ANKRD17: variants seen among roughly 807,000 people sequenced by gnomAD.
ANKRD17 encodes the protein ankyrin repeat domain 17.
In ANKRD17, 19 loss-of-function variants were observed where a neutral mutation model predicts 229.7. The observed-to-expected ratio is 0.08, with a 90% CI of 0.06 to 0.12. The LOEUF (loss-of-function observed/expected upper bound fraction) is 0.12. ANKRD17 is among the 10% of genes least tolerant of loss of function. The probability of loss-of-function intolerance (pLI) is 1.00; values close to 1 mark genes in which losing one functional copy is unlikely to be tolerated. For synonymous variants in ANKRD17, 1,112 were observed against 1,146.1 expected (o/e 0.97, Z 0.60); for missense variants, 2,176 against 3,176.8 (o/e 0.68, Z 7.57).
At chr4:73,200,828 C>T (rs1738565903) in intron 1 of ANKRD17, among the ~76,000 whole-genome samples, 1 of 151,980 alleles carries the variant, frequency 6.6e-6, no homozygotes, top group Non-Finnish European at 1.5e-5. Context: ...AACCAGATCC[C>T]TGTACTCTTG....
In ANKRD17 at chr4:73,078,704, T is replaced by C. The variant is rs1283420894; in HGVS notation, c.7346A>G (p.Asn2449Ser). 1.9e-6 allele frequency: 3 copies of C among 1,614,144 alleles called. No individual in the cohort carries two copies. Among genetic ancestry groups the C allele is most frequent in the Non-Finnish European group, 2.5e-6 (3 of 1,180,020 alleles). Reference protein sequence around the residue: ...GTSAPSVIGSNLSTSVGHSGI... With the variant: ...GTSAPSVIGSSLSTSVGHSGI... Reference sequence around the variant, plus strand: ...ACTATGTCCTACTGATGTAGACAAATTGCTCCCAATAACAGATGGAGCTGA... The same window carrying C: ...ACTATGTCCTACTGATGTAGACAAACTGCTCCCAATAACAGATGGAGCTGA... The change falls in exon 31 of 34, where the codon AAT becomes AGT. Residue 2449 changes from asparagine to serine, a missense_variant. By Grantham distance (46) the Asn-to-Ser change is conservative. Coordinates refer to ENST00000358602, the MANE Select transcript of ANKRD17 (RefSeq NM_032217.5).
intron 29 of ANKRD17, 100 bp from the exon 30 acceptor site, chr4:73,085,546 T>G (rs1389835049): frequency 9.5e-7 from 1 of 1,052,152 alleles, no homozygotes; most frequent in Non-Finnish European, 1.4e-6. Context: ...CAAAACTATT[T>G]TAGATAATTA....
chr4:73,121,823 T>A, intron 18 of ANKRD17, 64 bp from the exon 19 acceptor site: 1 of 1,478,562 alleles, frequency 6.8e-7, no homozygotes, highest in Non-Finnish European at 9.0e-7. Context: ...AGTGTGTATT[T>A]TTAAATTTCT....
intron 1 of ANKRD17, among the ~76,000 whole-genome samples, chr4:73,228,639 C>A (rs1431247807): frequency 6.6e-6 from 1 of 151,996 alleles, no homozygotes. Flanking sequence ...TTTCTGTATC[C>A]CAATTTTAAT....
rs549247377 is a variant in ANKRD17, at chr4:73,181,818, C to A, written c.394-4285G>T. Among the ~76,000 whole-genome samples the A allele has an allele frequency of 1.3e-4, 19 of 151,686 alleles. 1 individual carries two copies. The highest frequency in any genetic ancestry group is 2.4e-4 in the Non-Finnish European group (16 of 67,896). On this transcript the variant is annotated intron_variant, in intron 1 of 33. Coordinates refer to ENST00000358602, the MANE Select transcript of ANKRD17 (RefSeq NM_032217.5). The stretch of plus-strand genomic sequence containing the variant: ...ACCCCAGCACTTTGGGAGGCCGAGG[C>A]GGGTGCATTGCCTGGGGTTGGGAGT...
chr4:73,250,947 C>A (rs1744967231), intron 1 of ANKRD17, among the ~76,000 whole-genome samples: 1 of 151,982 alleles, frequency 6.6e-6, no homozygotes, highest in Non-Finnish European at 1.5e-5. Context: ...TCTCTTTTAT[C>A]TCTAGTCTCA....
At position 73,179,518 on chromosome 4, in the gene ANKRD17, A is replaced by ATATTTTT. The variant is rs1192164276; in HGVS notation, c.394-1986_394-1985insAAAAATA. On this transcript the variant is annotated intron_variant, in intron 1 of 33. Transcript: ENST00000358602. ...TATATATATATATATATATATATAT[A>ATATTTTT]TTTTTTTTTTTTTTTTTAAAGAGAC... Among the ~76,000 whole-genome samples the ATATTTTT allele has an allele frequency of 2.1e-3, 86 of 40,758 alleles. 4 individuals are homozygous for ATATTTTT. Among genetic ancestry groups the ATATTTTT allele is most frequent in the Non-Finnish European group, 3.4e-3 (74 of 21,764 alleles). The allele number at this position is 40,758 out of a possible 152,430, so 26.7% of individuals were successfully genotyped here. A position where few individuals can be genotyped will look rare whatever the true frequency, so the allele number is the denominator to read the frequency against.
chr4:73,224,643 C>T (rs1158397871), intron 1 of ANKRD17, among the ~76,000 whole-genome samples: 1 of 152,156 alleles, frequency 6.6e-6, no homozygotes, highest in Non-Finnish European at 1.5e-5. Context: ...ATTTTGCTTA[C>T]TATATGCCAT....
At chr4:73,179,466 ATGTG>A (rs55769249) in intron 1 of ANKRD17, among the ~76,000 whole-genome samples, 3,609 of 60,434 alleles carry the variant, frequency 0.06, 299 homozygotes, top group Admixed American at 0.19. Context: ...ATATGTATAT[ATGTG>A]TGTGTGTGTG....
At chr4:73,237,008 T>C (rs2149252788) in intron 1 of ANKRD17, among the ~76,000 whole-genome samples, 1 of 152,304 alleles carries the variant, frequency 6.6e-6, no homozygotes, top group African/African-American at 2.4e-5. Flanking sequence ...CAGAATTAAA[T>C]GTAATTTTTG....
intron 28 of ANKRD17, among the ~76,000 whole-genome samples, chr4:73,093,375 T>C (rs1240357703): frequency 1.0e-5 from 1 of 95,572 alleles, no homozygotes; most frequent in Non-Finnish European, 2.1e-5. Context: ...GAACTCAAAT[T>C]CTTTTTTTTT....
chr4:73,126,104 C>T (rs761536676), intron 16 of ANKRD17, among the ~76,000 whole-genome samples: 9 of 152,088 alleles, frequency 5.9e-5, no homozygotes, highest in African/African-American at 2.2e-4. Flanking sequence ...GGCAGTCTCC[C>T]CAACTTGAGA....
Position 73,127,697 on chromosome 4 carries a change from C to T in ANKRD17, c.3235-2385G>A, listed in dbSNP as rs559037334. 5.4e-4 allele frequency among the ~76,000 whole-genome samples: 82 copies of T among 152,168 alleles called. 1 individual carries two copies. The South Asian group carries it at 0.016, about 29-fold the overall frequency. On this transcript the variant is annotated intron_variant, in intron 16 of 33. Transcript: ENST00000358602. ...TAAGTAAAATGAATGGCAATAGCTG[C>T]AAAAGGTCATAGATTCAAAAACTGT...
At chr4:73,142,788 A>T (rs773895586) in intron 11 of ANKRD17, 21 bp from the exon 12 acceptor site, 2 of 1,592,478 alleles carry the variant, frequency 1.3e-6, no homozygotes, top group African/African-American at 1.4e-5. Context: ...AAAGGCATGG[A>T]AAATCATATT....
rs1372627319 is a variant in ANKRD17 at position 73,074,502 on chromosome 4, T to C, written c.*1729A>G. On this transcript the variant is annotated 3_prime_UTR_variant, in exon 34 of 34. Coordinates refer to ENST00000358602, the MANE Select transcript of ANKRD17 (RefSeq NM_032217.5). ...CCTTTAAATTTGGGCATATTAAACA[T>C]AGGTGGAAAAACAAATTTATATATT... The C allele has an allele frequency of 6.6e-6, 1 of 151,944 alleles. No individual in the cohort carries two copies. The highest frequency in any genetic ancestry group is 1.5e-5 in the Non-Finnish European group (1 of 67,846). The allele number at this position is 151,944 out of a possible 1,614,324, so 9.4% of individuals were successfully genotyped here.
chr4:73,140,153 C>G lies in ANKRD17; in HGVS notation c.2463G>C (p.Arg821Ser). 1.2e-6 allele frequency: 2 copies of G among 1,614,162 alleles called. No homozygotes were observed. Among genetic ancestry groups the G allele is most frequent in the Non-Finnish European group, 1.7e-6 (2 of 1,180,038 alleles). ...CATTCTTTTCTATGGCTTCTTTTAT[C>G]CTCTGTTCCAGTTCTGTTAACTTTC... ...AQGKLTELEQ[R>S]IKEAIEKNAQ... The change falls in exon 15 of 34, where the codon AGG becomes AGC. Residue 821 changes from arginine to serine, a missense_variant. Around this residue, in one of 18 missense-constraint regions of ANKRD17, gnomAD observed 275 missense variants for 386.9 expected, o/e 0.71. Coordinates refer to ENST00000358602, the MANE Select transcript of ANKRD17 (RefSeq NM_032217.5).
chr4:73,136,663 T>C (rs1728932630), intron 15 of ANKRD17, among the ~76,000 whole-genome samples: 1 of 152,158 alleles, frequency 6.6e-6, no homozygotes, highest in South Asian at 2.1e-4. Flanking sequence ...TGTTACTCCA[T>C]ATTGATAGTT....
At chr4:73,196,491 A>C (rs1348896111) in intron 1 of ANKRD17, among the ~76,000 whole-genome samples, 2 of 152,200 alleles carry the variant, frequency 1.3e-5, no homozygotes, top group Non-Finnish European at 2.9e-5. Flanking sequence ...TTTAATTCAA[A>C]TATGTACCAT....
intron 11 of ANKRD17, 48 bp downstream of exon 11, chr4:73,144,697 A>T: frequency 7.7e-7 from 1 of 1,291,908 alleles, no homozygotes; most frequent in Non-Finnish European, 1.1e-6. Flanking sequence ...AAATGAAGGC[A>T]GGGGTAGATA....
Sources: gnomAD v4.1 joint callset for allele counts (sites outside exome capture counted in the v4.1 genomes callset) on GRCh38, gnomAD v4.1.1 for gene constraint, gnomAD v4.1.1 regional missense constraint, MANE v1.5 for transcripts, NCBI Gene and HGNC (gene_info 2026-07-23, HGNC 2026-07-21) for gene names.